The following FBXL2 variants were observed in gnomAD, a reference collection of about 807,000 sequenced individuals.
The protein encoded by FBXL2 is F-box/LRR-repeat protein 2.
FBXL2 carries 38 observed loss-of-function variants against 69.2 expected under a neutral mutation model. The ratio of observed to expected loss-of-function variants is 0.55; its 90% CI spans 0.42 to 0.72. The LOEUF is 0.72. Ranked by LOEUF, FBXL2 falls within the 30% of genes least tolerant of loss-of-function variation. The pLI is 0.00. For missense variants in FBXL2, 354 were observed against 520.3 expected, an observed-to-expected ratio of 0.68 and a Z score of 3.11; for synonymous variants, 192 against 201.3, an observed-to-expected ratio of 0.95 and a Z score of 0.39.
At chr3:33,380,744 A>C (rs2042998429) in intron 13 of FBXL2, among the ~76,000 whole-genome samples, 1 of 151,974 alleles carries the variant, frequency 6.6e-6, no homozygotes, top group African/African-American at 2.4e-5. Context: ...TCCACACCAC[A>C]TCCATGGGAG....
chr3:33,377,206 T>C, intron 10 of FBXL2, 67 bp from the exon 11 acceptor site: 1 of 1,458,994 alleles, frequency 6.9e-7, no homozygotes, highest in Middle Eastern at 1.7e-4. Flanking sequence ...GTATGCATCA[T>C]AAAATATGTG....
chr3:33,401,957 A>G (rs1000986770), intron 12 of FBXL2, among the ~76,000 whole-genome samples: 1 of 152,196 alleles, frequency 6.6e-6, no homozygotes, highest in Admixed American at 6.5e-5. Context: ...CTCTTAAAGC[A>G]TAATAGCCTA....
intron 12 of FBXL2, among the ~76,000 whole-genome samples, chr3:33,400,614 A>G (rs1247491170): frequency 6.6e-6 from 1 of 152,224 alleles, no homozygotes; most frequent in Non-Finnish European, 1.5e-5. Context: ...GGGAACTAAA[A>G]AAATTTGAAC....
chr3:33,290,935 ATT>A (rs34200154), intron 1 of FBXL2, among the ~76,000 whole-genome samples: 4 of 145,632 alleles, frequency 2.7e-5, no homozygotes, highest in Admixed American at 6.9e-5. Context: ...CAATGAAATA[ATT>A]TTTTTTTTTT....
At chr3:33,411,887 A>T in the FBXL2 span, among the ~76,000 whole-genome samples, 3 of 151,772 alleles carry the variant, frequency 2.0e-5, no homozygotes, top group African/African-American at 7.3e-5. Flanking sequence ...TTTGTATTTC[A>T]TTTTTTTTAA....
At chr3:33,360,319 C>T (rs1037351187) in intron 4 of FBXL2, among the ~76,000 whole-genome samples, 10 of 152,168 alleles carry the variant, frequency 6.6e-5, no homozygotes, top group African/African-American at 2.4e-4. Flanking sequence ...CCTAGACAAA[C>T]TAATGATCTA....
intron 2 of FBXL2, among the ~76,000 whole-genome samples, chr3:33,316,902 TTTC>T (rs972166282): frequency 1.3e-5 from 2 of 152,124 alleles, no homozygotes; most frequent in African/African-American, 2.4e-5. Flanking sequence ...GTTTTTCTTT[TTTC>T]TTCTTCTTTT....
chr3:33,375,338 A>G lies in FBXL2; in HGVS notation c.708A>G (p.Leu236=), dbSNP rs1232534382. ...AGATATGCAGGGGCTGTCACCGGCT[A>G]CAGGCTCTCTGCCTTTCGGGTTGCA... is the stretch of plus-strand genomic sequence containing the variant. The part of the protein sequence containing the change: ...VVQICRGCHR[L]QALCLSGCSN... Residue 236 remains leucine, a synonymous_variant, in exon 10 of 15, where the codon CTA becomes CTG. Coordinates refer to ENST00000484457, the MANE Select transcript of FBXL2 (RefSeq NM_012157.5). 4 of 1,614,228 alleles carry G rather than the reference A, an allele frequency of 2.5e-6. No homozygotes were observed. Among genetic ancestry groups the G allele is most frequent in the Non-Finnish European group, 3.4e-6 (4 of 1,180,026 alleles).
At chr3:33,408,660 A>C, downstream of FBXL2, 1 of 1,584,618 alleles carries the variant, frequency 6.3e-7, no homozygotes, top group Non-Finnish European at 8.6e-7. Context: ...GGTTTCTTGC[A>C]CAATGAAAAG....
chr3:33,418,860 C>CAAAA, the FBXL2 span, among the ~76,000 whole-genome samples: 1 of 76,750 alleles, frequency 1.3e-5, no homozygotes, highest in Non-Finnish European at 2.5e-5. Flanking sequence ...ACTCTGTCTC[C>CAAAA]AAAAAAAAAA....
At chr3:33,361,068 A>G (rs1016713573) in intron 4 of FBXL2, among the ~76,000 whole-genome samples, 9 of 147,376 alleles carry the variant, frequency 6.1e-5, no homozygotes, top group African/African-American at 2.0e-4. Context: ...TGTAGCTGGG[A>G]CTACAGGCGC....
the FBXL2 span, among the ~76,000 whole-genome samples, chr3:33,419,628 C>CA: frequency 8.9e-3 from 898 of 100,630 alleles, 10 homozygotes; most frequent in Non-Finnish European, 0.012. Flanking sequence ...GACTCCATCT[C>CA]AAAAAAAAAA....
chr3:33,296,154 C>G (rs1212826266), intron 1 of FBXL2, among the ~76,000 whole-genome samples: 1 of 152,186 alleles, frequency 6.6e-6, no homozygotes, highest in African/African-American at 2.4e-5. Context: ...CAGCCTCTGC[C>G]TCCCAGGTTC....
chr3:33,291,761 A>G (rs1488587498), intron 1 of FBXL2, among the ~76,000 whole-genome samples: 1 of 152,218 alleles, frequency 6.6e-6, no homozygotes, highest in Non-Finnish European at 1.5e-5. Context: ...GGAAAGCAGA[A>G]TAGAGGAACA....
intron 13 of FBXL2, chr3:33,382,600 TGAATATTTGA>T (rs1182785973): frequency 2.0e-5 from 3 of 150,750 alleles, no homozygotes; most frequent in African/African-American, 7.3e-5. Context: ...TCTCTACTTT[TGAATATTTGA>T]GTACTGCTTC....
chr3:33,282,505 G>A (rs1303831559), intron 1 of FBXL2, among the ~76,000 whole-genome samples: 4 of 152,060 alleles, frequency 2.6e-5, no homozygotes, highest in East Asian at 1.9e-4. Flanking sequence ...TGTTCTTTTG[G>A]CTTAGAATTG....
At chr3:33,372,724 T>C (rs1357652872) in intron 5 of FBXL2, 2 of 339,456 alleles carry the variant, frequency 5.9e-6, no homozygotes, top group Non-Finnish European at 1.1e-5. Context: ...GCCCCCTTGG[T>C]TCAAATTGAT....
intron 2 of FBXL2, among the ~76,000 whole-genome samples, chr3:33,325,259 T>G (rs1559544171): frequency 6.6e-6 from 1 of 152,252 alleles, no homozygotes; most frequent in African/African-American, 2.4e-5. Flanking sequence ...TGACTTCCTC[T>G]CTTCCTATTT....
At chr3:33,311,051 A>G (rs1450922306) in intron 2 of FBXL2, among the ~76,000 whole-genome samples, 1 of 152,214 alleles carries the variant, frequency 6.6e-6, no homozygotes, top group Non-Finnish European at 1.5e-5. Flanking sequence ...TGTTGGAATT[A>G]CAGGCATGAG....
Sources: allele counts gnomAD v4.1 joint callset (sites outside exome capture counted in the v4.1 genomes callset), GRCh38; gene constraint gnomAD v4.1.1; transcripts MANE v1.5; gene names NCBI Gene and HGNC (gene_info 2026-07-23, HGNC 2026-07-21).